Variants in TSPAN9 observed in about 807,000 individuals in gnomAD.
The protein encoded by TSPAN9 is tetraspanin-9.
Under a neutral mutation model 31.0 loss-of-function variants are expected in TSPAN9, and 16 were observed. The ratio of observed to expected loss-of-function variants is 0.52; its 90% CI spans 0.35 to 0.78. The LOEUF is 0.78. TSPAN9 is among the 30% of genes least tolerant of loss of function. TSPAN9 has a pLI of 0.01. For synonymous variants in TSPAN9, 145 were observed against 121.6 expected, an observed-to-expected ratio of 1.19 and a Z score of -1.27; for missense variants, 272 against 312.5, an observed-to-expected ratio of 0.87 and a Z score of 0.98.
chr12:3,262,737 T>C (rs1460609995), intron 3 of TSPAN9, among the ~76,000 whole-genome samples: 1 of 151,976 alleles, frequency 6.6e-6, no homozygotes, highest in Non-Finnish European at 1.5e-5. Flanking sequence ...TCCAGGTGAG[T>C]AAAGCGCCTG....
At chr12:3,109,720 C>A (rs1327087592) in intron 2 of TSPAN9, among the ~76,000 whole-genome samples, 2 of 149,366 alleles carry the variant, frequency 1.3e-5, no homozygotes, top group African/African-American at 2.5e-5. Context: ...ATTGCTTGAA[C>A]CTGGGAGGCG....
intron 3 of TSPAN9, among the ~76,000 whole-genome samples, chr12:3,266,366 C>T (rs1591714537): frequency 6.6e-6 from 1 of 152,160 alleles, no homozygotes; most frequent in East Asian, 1.9e-4. Context: ...TTAAATGAGG[C>T]TATAGAGGCA....
chr12:3,186,195 G>C (rs2098361220), intron 2 of TSPAN9, among the ~76,000 whole-genome samples: 1 of 152,170 alleles, frequency 6.6e-6, no homozygotes, highest in South Asian at 2.1e-4. Context: ...GGCACCTAGG[G>C]GTTTGGGAGA....
At chr12:3,171,895 C>T (rs1397091131) in intron 2 of TSPAN9, 4 of 152,170 alleles carry the variant, frequency 2.6e-5, no homozygotes, top group Admixed American at 2.6e-4. Context: ...TCCAGAGTGG[C>T]CGCAGTCCCC....
chr12:3,109,161 C>G (rs569346524), intron 2 of TSPAN9, among the ~76,000 whole-genome samples: 2 of 151,870 alleles, frequency 1.3e-5, no homozygotes, highest in East Asian at 2.0e-4. Context: ...TGGTCTCGAT[C>G]TCCTGACCTC....
At chr12:3,186,831 G>A (rs2098361682) in intron 2 of TSPAN9, among the ~76,000 whole-genome samples, 1 of 152,170 alleles carries the variant, frequency 6.6e-6, no homozygotes, top group African/African-American at 2.4e-5. Context: ...TTTACTCCTG[G>A]GGAGGAGGGG....
chr12:3,227,324 G>A (rs1158054562), intron 3 of TSPAN9, among the ~76,000 whole-genome samples: 1 of 152,184 alleles, frequency 6.6e-6, no homozygotes, highest in African/African-American at 2.4e-5. Context: ...TGCGCAGCCT[G>A]GGCCATTTTG....
intron 2 of TSPAN9, among the ~76,000 whole-genome samples, chr12:3,108,170 G>A (rs540966791): frequency 6.6e-6 from 1 of 152,324 alleles, no homozygotes; most frequent in Admixed American, 6.5e-5. Context: ...CTGTGGCGTA[G>A]ACAGTGAGTC....
intron 3 of TSPAN9, among the ~76,000 whole-genome samples, chr12:3,222,893 C>G (rs1027639245): frequency 5.3e-5 from 8 of 151,432 alleles, no homozygotes; most frequent in African/African-American, 1.7e-4. Context: ...GCGGAGATCC[C>G]GAGGGGGCCC....
intron 2 of TSPAN9, among the ~76,000 whole-genome samples, chr12:3,186,579 TAC>T (rs2098361544): frequency 2.7e-5 from 4 of 150,074 alleles, no homozygotes; most frequent in African/African-American, 4.9e-5. Flanking sequence ...TGTGTGTGTA[TAC>T]ACACAAGTTC....
intron 2 of TSPAN9, among the ~76,000 whole-genome samples, chr12:3,152,028 G>A (rs2098340018): frequency 6.6e-6 from 1 of 152,256 alleles, no homozygotes; most frequent in Non-Finnish European, 1.5e-5. Context: ...GCTGGAGGGG[G>A]CTGTGATTTG....
At chr12:3,097,295 A>C (rs948395413) in intron 2 of TSPAN9, among the ~76,000 whole-genome samples, 3 of 152,220 alleles carry the variant, frequency 2.0e-5, no homozygotes, top group Admixed American at 6.5e-5. Context: ...CTTTGGAGGA[A>C]AACATGCGCC....
intron 2 of TSPAN9, among the ~76,000 whole-genome samples, chr12:3,193,905 TGTGA>T (rs771432097): frequency 5.6e-4 from 85 of 152,360 alleles, no homozygotes; most frequent in Admixed American, 2.1e-3. Flanking sequence ...GGGATATGGC[TGTGA>T]GTGAGACAGC....
chr12:3,222,562 C>A (rs1198944129), intron 3 of TSPAN9, among the ~76,000 whole-genome samples: 1 of 152,178 alleles, frequency 6.6e-6, no homozygotes, highest in Non-Finnish European at 1.5e-5. Flanking sequence ...TCCTTAAACC[C>A]GGCTGCCTCT....
At chr12:3,245,431 C>T (rs1862103681) in intron 3 of TSPAN9, among the ~76,000 whole-genome samples, 1 of 152,180 alleles carries the variant, frequency 6.6e-6, no homozygotes, top group African/African-American at 2.4e-5. Flanking sequence ...TTCTCAGCCC[C>T]CTTTTGTGTG....
intron 8 of TSPAN9, chr12:3,282,041 C>CA: frequency 1.4e-6 from 1 of 706,416 alleles, no homozygotes; most frequent in African/African-American, 1.7e-5. Context: ...TGCCTGTGGC[C>CA]AGGCCCAGGC....
intron 2 of TSPAN9, among the ~76,000 whole-genome samples, chr12:3,086,393 G>A (rs906049757): frequency 6.6e-6 from 1 of 150,536 alleles, no homozygotes; most frequent in Non-Finnish European, 1.5e-5. Context: ...CACCCCTTCC[G>A]CCCTCTGTTT....
intron 2 of TSPAN9, among the ~76,000 whole-genome samples, chr12:3,175,258 G>A (rs1037928346): frequency 2.0e-5 from 3 of 152,194 alleles, no homozygotes; most frequent in African/African-American, 7.2e-5. Context: ...CACGAGAGCG[G>A]TCAGTCTTCC....
intron 3 of TSPAN9, among the ~76,000 whole-genome samples, chr12:3,214,293 G>A (rs769608610): frequency 5.9e-5 from 9 of 152,180 alleles, no homozygotes; most frequent in African/African-American, 1.9e-4. Context: ...GATGGACCAC[G>A]GATGAGTTTC....
Sources: allele counts gnomAD v4.1 joint callset (sites outside exome capture counted in the v4.1 genomes callset), GRCh38; gene constraint gnomAD v4.1.1; transcripts MANE v1.5; gene names NCBI Gene and HGNC (gene_info 2026-07-23, HGNC 2026-07-21).